The following ASIC2 variants were observed in gnomAD, a reference collection of about 807,000 sequenced individuals.
ASIC2 encodes acid sensing ion channel subunit 2.
ASIC2 carries 25 observed loss-of-function variants against 57.3 expected under a neutral mutation model. The observed-to-expected ratio is 0.44, with a 90% confidence interval of 0.32 to 0.61. The LOEUF is 0.61. ASIC2 is among the 20% of genes least tolerant of loss of function. The probability of loss-of-function intolerance (pLI) is 0.06; values close to 1 mark genes in which losing one functional copy is unlikely to be tolerated. For missense variants in ASIC2, 641 were observed against 738.1 expected (o/e 0.87, Z 1.52); for synonymous variants, 319 against 307.5 (o/e 1.04, Z -0.39).
At chr17:33,503,983 T>G (rs986497719) in intron 1 of ASIC2, among the ~76,000 whole-genome samples, 1 of 152,038 alleles carries the variant, frequency 6.6e-6, no homozygotes, top group Non-Finnish European at 1.5e-5. Context: ...AAGGGGCAAA[T>G]GAGGAAATGC....
intron 1 of ASIC2, among the ~76,000 whole-genome samples, chr17:33,777,710 G>C (rs1055219396): frequency 1.3e-5 from 2 of 152,170 alleles, no homozygotes; most frequent in Admixed American, 1.3e-4. Flanking sequence ...TGAATGTCCA[G>C]GTTAATTATA....
intron 1 of ASIC2, among the ~76,000 whole-genome samples, chr17:33,555,669 C>T (rs368838965): frequency 6.6e-6 from 1 of 152,212 alleles, no homozygotes; most frequent in South Asian, 2.1e-4. Context: ...GGAGCTTATG[C>T]TCAGGTTACC....
At chr17:33,041,430 C>T (rs2091929529) in intron 3 of ASIC2, among the ~76,000 whole-genome samples, 1 of 152,230 alleles carries the variant, frequency 6.6e-6, no homozygotes, top group Non-Finnish European at 1.5e-5. Context: ...AACATCCCCA[C>T]ATCTCTTCTT....
intron 1 of ASIC2, among the ~76,000 whole-genome samples, chr17:33,900,711 T>G (rs1326847909): frequency 2.6e-5 from 4 of 152,170 alleles, no homozygotes; most frequent in Non-Finnish European, 5.9e-5. Context: ...CTCATTGAGG[T>G]GTAAACAGAC....
At chr17:33,381,429 G>A (rs901613774) in intron 1 of ASIC2, among the ~76,000 whole-genome samples, 2 of 152,264 alleles carry the variant, frequency 1.3e-5, no homozygotes, top group African/African-American at 4.8e-5. Flanking sequence ...GTCCAGCCCA[G>A]CCGCAGGCTT....
chr17:33,548,017 C>A (rs1467323007), intron 1 of ASIC2, among the ~76,000 whole-genome samples: 1 of 152,190 alleles, frequency 6.6e-6, no homozygotes, highest in Non-Finnish European at 1.5e-5. Context: ...CAGCAAAGTT[C>A]TTGGAGCTTA....
intron 1 of ASIC2, among the ~76,000 whole-genome samples, chr17:33,838,644 G>C (rs566333728): frequency 6.6e-6 from 1 of 152,136 alleles, no homozygotes; most frequent in Non-Finnish European, 1.5e-5. Flanking sequence ...TATTTTATTT[G>C]TGTGCCTCTG....
At chr17:33,770,663 C>G (rs983903792) in intron 1 of ASIC2, among the ~76,000 whole-genome samples, 14 of 152,234 alleles carry the variant, frequency 9.2e-5, no homozygotes. Flanking sequence ...TCTCTGCAAT[C>G]AAGCCCATGG....
At chr17:33,271,806 G>T (rs777578218) in intron 1 of ASIC2, among the ~76,000 whole-genome samples, 70 of 152,148 alleles carry the variant, frequency 4.6e-4, no homozygotes, top group Non-Finnish European at 8.7e-4. Flanking sequence ...ATTCTTGCAG[G>T]GTATATTAAC....
At chr17:33,759,120 A>G (rs1218563631) in intron 1 of ASIC2, among the ~76,000 whole-genome samples, 1 of 152,206 alleles carries the variant, frequency 6.6e-6, no homozygotes, top group Non-Finnish European at 1.5e-5. Flanking sequence ...TGACCAGAAT[A>G]CTGGTAGAAA....
chr17:34,110,029 A>G (rs1375934445), intron 1 of ASIC2, among the ~76,000 whole-genome samples: 2 of 152,082 alleles, frequency 1.3e-5, no homozygotes. Flanking sequence ...TAAAATTCGT[A>G]TTTTGGCTTG....
rs994772079 is a variant in ASIC2, at chr17:33,972,795, C to G, written c.555+183183G>C. 2.6e-5 allele frequency among the ~76,000 whole-genome samples: 4 copies of G among 152,368 alleles called. No homozygotes were observed. In the East Asian group the frequency reaches 7.7e-4, roughly 29 times the overall value. ...GCGTGTTAACACAAGCTTTAGGTCT[C>G]ATAACACACTGTGGGGACTTGGGCC... On this transcript the variant is annotated intron_variant, in intron 1 of 9. Transcript: ENST00000359872.
intron 1 of ASIC2, among the ~76,000 whole-genome samples, chr17:33,524,144 C>T (rs1318985638): frequency 6.6e-6 from 1 of 152,176 alleles, no homozygotes; most frequent in Non-Finnish European, 1.5e-5. Context: ...CTCACCATCC[C>T]CAGGCTCAGC....
At chr17:33,534,072 G>C (rs1194966715) in intron 1 of ASIC2, 1 of 151,976 alleles carries the variant, frequency 6.6e-6, no homozygotes, top group Non-Finnish European at 1.5e-5. Flanking sequence ...ATCTCATTGT[G>C]GGGGCTGGAA....
At chr17:33,024,088 T>C in intron 5 of ASIC2, 74 bp from the exon 6 acceptor site, 1 of 1,579,590 alleles carries the variant, frequency 6.3e-7, no homozygotes, top group Non-Finnish European at 8.7e-7. Context: ...GTAGCTGGAT[T>C]GTAGCAGCTG....
rs539487289 is a variant in ASIC2 at position 33,153,232 on chromosome 17, G to A, written c.709-41165C>T. ...ATGGGCACCCAGGGCCCCCAGTGTG[G>A]GGTTCTCCCCGATGCTCTGCCAGCT... is the stretch of plus-strand genomic sequence containing the variant. On this transcript the variant is annotated intron_variant, in intron 1 of 9. Transcript: ENST00000225823. 2.0e-5 allele frequency among the ~76,000 whole-genome samples: 3 copies of A among 152,332 alleles called. No individual in the cohort carries two copies. In the South Asian group the frequency reaches 6.2e-4, roughly 32 times the overall value.
chr17:34,004,831 A>G (rs1355452887), intron 1 of ASIC2: 1 of 149,502 alleles, frequency 6.7e-6, no homozygotes, highest in Admixed American at 6.6e-5. Flanking sequence ...CACACAAGAA[A>G]GACCCCTTAC....
intron 1 of ASIC2, among the ~76,000 whole-genome samples, chr17:33,133,304 G>T (rs1256335656): frequency 6.6e-6 from 1 of 152,182 alleles, no homozygotes; most frequent in African/African-American, 2.4e-5. Context: ...GAATGCGAGG[G>T]GTGCTCTGGG....
intron 1 of ASIC2, among the ~76,000 whole-genome samples, chr17:33,672,891 A>G (rs1276667208): frequency 6.6e-6 from 1 of 152,186 alleles, no homozygotes; most frequent in Non-Finnish European, 1.5e-5. Context: ...CACTTTCTCT[A>G]TCTATAAAGT....
Sources: allele counts gnomAD v4.1 joint callset (sites outside exome capture counted in the v4.1 genomes callset), GRCh38; gene constraint gnomAD v4.1.1; transcripts MANE v1.5; gene names NCBI Gene and HGNC (gene_info 2026-07-23, HGNC 2026-07-21).